ZNF76: variants seen among roughly 807,000 people sequenced by gnomAD.
The protein encoded by ZNF76 is zinc finger protein 76, also known as zinc finger protein 523.
A neutral mutation model predicts 66.9 loss-of-function variants in ZNF76; 66 were observed. The observed-to-expected ratio is 0.99, with a 90% confidence interval of 0.81 to 1.21. The LOEUF (loss-of-function observed/expected upper bound fraction) is 1.21. Ranked by LOEUF, ZNF76 falls within the 50% of genes most tolerant of loss-of-function variation. The pLI is 0.00. For missense variants in ZNF76, 729 were observed against 760.3 expected (o/e 0.96, Z 0.48); for synonymous variants, 275 against 296.1 (o/e 0.93, Z 0.73).
intron 1 of ZNF76, among the ~76,000 whole-genome samples, chr6:35,260,340 C>G (rs1232260886): frequency 6.6e-6 from 1 of 151,976 alleles, no homozygotes; most frequent in Non-Finnish European, 1.5e-5. Flanking sequence ...AACTCGGTGA[C>G]TCCCCTCAAA....
chr6:35,290,422 C>CA (rs1790206465), intron 6 of ZNF76, 40 bp downstream of exon 6: 2 of 1,605,542 alleles, frequency 1.2e-6, no homozygotes, highest in East Asian at 4.5e-5. Context: ...CTGCAGTCTT[C>CA]CCTCCCAGGC....
At chr6:35,285,669 C>T (rs181236047) in intron 2 of ZNF76, among the ~76,000 whole-genome samples, 3 of 152,318 alleles carry the variant, frequency 2.0e-5, no homozygotes, top group Admixed American at 2.0e-4. Context: ...GCTATATATC[C>T]TGCCTTCACA....
intron 1 of ZNF76, among the ~76,000 whole-genome samples, chr6:35,274,250 A>G (rs967442726): frequency 1.3e-5 from 2 of 152,228 alleles, no homozygotes; most frequent in African/African-American, 4.8e-5. Flanking sequence ...TTTTCAGGCA[A>G]ATGTTTTTGT....
intron 1 of ZNF76, among the ~76,000 whole-genome samples, chr6:35,277,362 C>T (rs1449143233): frequency 6.6e-6 from 1 of 152,224 alleles, no homozygotes; most frequent in East Asian, 1.9e-4. Context: ...TAATCCCTAT[C>T]AGACCCTGAT....
At chr6:35,274,718 CTAAA>C (rs1323564561) in intron 1 of ZNF76, among the ~76,000 whole-genome samples, 1 of 152,108 alleles carries the variant, frequency 6.6e-6, no homozygotes, top group African/African-American at 2.4e-5. Context: ...GATCCTGTCT[CTAAA>C]TAAATAAAAG....
In ZNF76 at chr6:35,291,468, G is replaced by A. The variant is rs545968014; in HGVS notation, c.751+65G>A. The A allele has an allele frequency of 6.6e-5, 106 of 1,612,590 alleles. No individual in the cohort carries two copies. The East Asian group carries it at 2.2e-3, about 34-fold the overall frequency. ...CAAAAGGAATTCAGCTTGCCTTTCA[G>A]ACTTAGACCTGGAGCCCAGTGCCAT... On this transcript the variant is annotated intron_variant, in intron 8 of 13. Transcript: ENST00000373953.
At position 35,291,630 on chromosome 6, in the gene ZNF76, A is replaced by G. The variant is rs920065459; in HGVS notation, c.824A>G (p.His275Arg). Residue 275 changes from histidine to arginine, a missense_variant, in exon 9 of 14, where the codon CAT becomes CGT. By Grantham distance (29) the His-to-Arg change is conservative. Transcript: ENST00000373953. Reference sequence around the variant, plus strand: ...ACCACATCTAACATCCGCAAGGTACATGTGCGCACCCACACAGGCGAGAGG... The same window carrying G: ...ACCACATCTAACATCCGCAAGGTACGTGTGCGCACCCACACAGGCGAGAGG... ...SFTTSNIRKVHVRTHTGERPY... is the reference protein window; with the variant it reads ...SFTTSNIRKVRVRTHTGERPY... 6.8e-6 allele frequency: 11 copies of G among 1,613,894 alleles called. No individual in the cohort carries two copies. Among genetic ancestry groups the G allele is most frequent in the South Asian group, 1.1e-5 (1 of 91,090 alleles).
chr6:35,294,882 G>A (rs1405243038), intron 13 of ZNF76: 4 of 572,820 alleles, frequency 7.0e-6, no homozygotes, highest in Admixed American at 3.0e-5. Flanking sequence ...TGATCACCAC[G>A]GTTCTCTTCA....
intron 1 of ZNF76, among the ~76,000 whole-genome samples, chr6:35,273,843 GCTT>G (rs111419622): frequency 0.11 from 16,260 of 142,820 alleles, 1,895 homozygotes; most frequent in African/African-American, 0.3. Context: ...TTTAAATGGC[GCTT>G]CTTCTTTTAA....
intron 1 of ZNF76, among the ~76,000 whole-genome samples, chr6:35,275,175 T>C (rs548582713): frequency 1.3e-5 from 2 of 151,516 alleles, no homozygotes; most frequent in African/African-American, 4.8e-5. Context: ...AGAAAAAAAA[T>C]TGCAGCAAAC....
chr6:35,273,401 G>A (rs1264730396), intron 1 of ZNF76, among the ~76,000 whole-genome samples: 1 of 151,012 alleles, frequency 6.6e-6, no homozygotes, highest in African/African-American at 2.4e-5. Flanking sequence ...TCGAACTCCT[G>A]ACCTCTAATG....
chr6:35,281,797 G>A (rs1434294163), intron 2 of ZNF76, among the ~76,000 whole-genome samples: 1 of 151,904 alleles, frequency 6.6e-6, no homozygotes, highest in South Asian at 2.1e-4. Context: ...TAATCTGGGT[G>A]CAGCAGCATG....
At chr6:35,279,341 T>C (rs890227965) in intron 1 of ZNF76, 1 of 163,380 alleles carries the variant, frequency 6.1e-6, no homozygotes, top group African/African-American at 2.4e-5. Flanking sequence ...AGTCAGTGTG[T>C]TGTTCTTTGC....
chr6:35,291,551 T>C lies in ZNF76; in HGVS notation c.752-7T>C. ...ACACCCCTCCTCACATCCCACCATT[T>C]GCATAGGTGAACGCCCGTTCCAGTG... On this transcript the variant is annotated splice_region_variant and splice_polypyrimidine_tract_variant and intron_variant, in intron 8 of 13. Coordinates refer to ENST00000373953, the MANE Select transcript of ZNF76 (RefSeq NM_003427.5). The C allele has an allele frequency of 1.2e-6, 2 of 1,610,856 alleles. No homozygotes were observed. Among genetic ancestry groups the C allele is most frequent in the Non-Finnish European group, 8.5e-7 (1 of 1,177,268 alleles).
At chr6:35,294,276 G>A (rs1340642203) in intron 12 of ZNF76, 180 bp from the exon 13 acceptor site, 1 of 601,000 alleles carries the variant, frequency 1.7e-6, no homozygotes, top group African/African-American at 1.9e-5. Context: ...TGGGCTCTAA[G>A]TTGGGAGGAA....
rs1789749061 is a variant in ZNF76 at position 35,287,587 on chromosome 6, G to A, written c.233-59G>A. 2.0e-6 allele frequency: 3 copies of A among 1,486,288 alleles called. No homozygotes were observed. The African/African-American group carries it at 4.2e-5, about 21-fold the overall frequency. 92.1% of individuals were successfully genotyped at this position (1,486,288 alleles called of 1,614,324 possible). A position where few individuals can be genotyped will look rare whatever the true frequency, so the allele number is the denominator to read the frequency against. ...TATCTCTCATTAACTTAAAGCTAGGGTCCCAGCTGTATCTCTTCCCCTTGT... is the reference window on the plus strand; with the variant it reads ...TATCTCTCATTAACTTAAAGCTAGGATCCCAGCTGTATCTCTTCCCCTTGT... On this transcript the variant is annotated intron_variant, in intron 4 of 13. Transcript: ENST00000373953. This position sits in a 1 kb window ranked among gnomAD's most constrained non-coding sequence, Gnocchi z 4.0.
In ZNF76 at chr6:35,293,820, A is replaced by G; in HGVS notation, c.1399A>G (p.Thr467Ala). ...AISMVTQHGS[T>A]TLTIPSPDAD... ...CAGTATGGTCACCCAGCACGGCAGC[A>G]CCACCCTCACCATCCCCAGTCCTGA... Residue 467 changes from threonine (T) to alanine (A), a missense_variant, in exon 12 of 14, where the codon ACC (threonine) becomes GCC (alanine). Transcript: ENST00000373953. The G allele has an allele frequency of 1.9e-6, 3 of 1,614,064 alleles. No individual in the cohort carries two copies. The highest frequency in any genetic ancestry group is 2.5e-6 in the Non-Finnish European group (3 of 1,180,012).
chr6:35,264,660 A>G (rs1785738709), intron 1 of ZNF76, among the ~76,000 whole-genome samples: 1 of 152,216 alleles, frequency 6.6e-6, no homozygotes, highest in Non-Finnish European at 1.5e-5. Flanking sequence ...ACCTCAGAGC[A>G]AATGAGCTAC....
At chr6:35,261,393 C>T (rs1785232686) in intron 1 of ZNF76, among the ~76,000 whole-genome samples, 1 of 152,200 alleles carries the variant, frequency 6.6e-6, no homozygotes, top group African/African-American at 2.4e-5. Flanking sequence ...GCCTCAATAA[C>T]GATTGGCTTG....
Sources: allele counts gnomAD v4.1 joint callset (sites outside exome capture counted in the v4.1 genomes callset), GRCh38; gene constraint gnomAD v4.1.1; non-coding constraint Gnocchi (gnomAD v3.1); transcripts MANE v1.5; gene names NCBI Gene and HGNC (gene_info 2026-07-23, HGNC 2026-07-21).